Variants in USP8 observed in about 807,000 individuals in gnomAD.
The protein encoded by USP8 is ubiquitin specific peptidase 8.
USP8 carries 27 observed loss-of-function variants against 130.0 expected under a neutral mutation model. The observed-to-expected ratio is 0.21, with a 90% CI of 0.15 to 0.29. USP8 has a LOEUF of 0.29. Among genes scored for constraint, USP8 ranks in the 10% least tolerant of loss-of-function variants. The pLI is 1.00. For synonymous variants in USP8, 392 were observed against 444.1 expected, an observed-to-expected ratio of 0.88 and a Z score of 1.48; for missense variants, 1,029 against 1,312.2, an observed-to-expected ratio of 0.78 and a Z score of 3.33.
At chr15:50,441,301 T>C in intron 2 of USP8, 48 bp from the exon 3 acceptor site, 1 of 1,521,248 alleles carries the variant, frequency 6.6e-7, no homozygotes, top group Non-Finnish European at 8.8e-7. Flanking sequence ...CCTGTATTTT[T>C]TCCCAGATGT....
intron 16 of USP8, among the ~76,000 whole-genome samples, chr15:50,495,594 A>G (rs2052366492): frequency 6.6e-6 from 1 of 151,936 alleles, no homozygotes; most frequent in Admixed American, 6.6e-5. Flanking sequence ...GAACCACCAC[A>G]TCTGGCCCTT....
At chr15:50,483,976 T>G (rs2051862985) in intron 11 of USP8, among the ~76,000 whole-genome samples, 2 of 152,250 alleles carry the variant, frequency 1.3e-5, no homozygotes, top group African/African-American at 4.8e-5. Context: ...AATGTTCAAA[T>G]TAGGTCATGG....
chr15:50,514,050 G>A lies in USP8; in HGVS notation c.*14962G>A, dbSNP rs1480886508. 4.6e-5 allele frequency: 7 copies of A among 152,100 alleles called. No homozygotes were observed. The highest frequency in any genetic ancestry group is 1.7e-4 in the African/African-American group (7 of 41,424). The allele number at this position is 152,100 out of a possible 1,614,324, so 9.4% of individuals were successfully genotyped here. A position where few individuals can be genotyped will look rare whatever the true frequency, so the allele number is the denominator to read the frequency against. The stretch of plus-strand genomic sequence containing the variant: ...TGGTAGAATGAATTACTAAATTGTA[G>A]TATTTTCATACAATGGAATACTATA... On this transcript the variant is annotated 3_prime_UTR_variant, in exon 20 of 20. Coordinates refer to ENST00000307179, the MANE Select transcript of USP8 (RefSeq NM_005154.5).
At chr15:50,441,987 TTTTTTTG>T (rs2050276715) in intron 3 of USP8, among the ~76,000 whole-genome samples, 1 of 147,270 alleles carries the variant, frequency 6.8e-6, no homozygotes, top group African/African-American at 2.5e-5. Flanking sequence ...TTTTTTTTTT[TTTTTTTG>T]AGACGGAGTT....
rs541680383 is a variant in USP8, at chr15:50,491,638, C to T, written c.2235-1063C>T. 6.6e-5 allele frequency among the ~76,000 whole-genome samples: 10 copies of T among 152,052 alleles called. 1 individual carries two copies. In the Middle Eastern group the frequency reaches 0.014, roughly 207 times the overall value. On this transcript the variant is annotated intron_variant, in intron 14 of 19. Coordinates refer to ENST00000307179, the MANE Select transcript of USP8 (RefSeq NM_005154.5). ...AGTATTACTTTTAGGGGTGGAAGAA[C>T]GTTAAGGATTAATTAAAAAAGAAAA...
intron 7 of USP8, chr15:50,466,870 A>C (rs575574293): frequency 3.6e-5 from 14 of 393,762 alleles, no homozygotes; most frequent in African/African-American, 2.9e-4. Flanking sequence ...AGAGGAGCAA[A>C]GAAAAAGAAT....
chr15:50,473,988 A>G (rs2051476228), intron 8 of USP8, among the ~76,000 whole-genome samples: 1 of 151,378 alleles, frequency 6.6e-6, no homozygotes, highest in African/African-American at 2.4e-5. Flanking sequence ...GGCGCCCACC[A>G]TCATGCACAG....
At chr15:50,495,707 C>T in intron 16 of USP8, 141 bp from the exon 17 acceptor site, 4 of 607,490 alleles carry the variant, frequency 6.6e-6, no homozygotes, top group East Asian at 3.0e-5. Flanking sequence ...TATTTTTTGC[C>T]ACACTCAGTG....
intron 5 of USP8, among the ~76,000 whole-genome samples, chr15:50,460,343 G>GT (rs2050949708): frequency 8.6e-6 from 1 of 116,878 alleles, no homozygotes. Context: ...GTTTTACTCT[G>GT]TCGCTCAGGC....
At chr15:50,454,824 A>C (rs2050741092) in intron 4 of USP8, among the ~76,000 whole-genome samples, 1 of 152,080 alleles carries the variant, frequency 6.6e-6, no homozygotes, top group African/African-American at 2.4e-5. Flanking sequence ...TCTGTTGCCC[A>C]GGCCGAAGTG....
intron 1 of USP8, among the ~76,000 whole-genome samples, chr15:50,428,492 C>T (rs1372110782): frequency 1.3e-5 from 2 of 152,130 alleles, no homozygotes; most frequent in Non-Finnish European, 2.9e-5. Flanking sequence ...CCAATGAATG[C>T]CTGAAACCAC....
chr15:50,458,448 C>T (rs574661887), intron 4 of USP8: 2 of 154,172 alleles, frequency 1.3e-5, no homozygotes, highest in South Asian at 2.0e-4. Flanking sequence ...CCGCACCCAG[C>T]CACCTATAAT....
At chr15:50,495,066 G>A (rs1264251571) in intron 16 of USP8, among the ~76,000 whole-genome samples, 4 of 150,210 alleles carry the variant, frequency 2.7e-5, no homozygotes, top group African/African-American at 9.8e-5. Flanking sequence ...TGACTCATGT[G>A]ACTAGTTATT....
At chr15:50,493,520 A>G in intron 15 of USP8, 1 of 517,488 alleles carries the variant, frequency 1.9e-6, no homozygotes, top group Non-Finnish European at 3.9e-6. Flanking sequence ...TGGGAGGCTG[A>G]CGTGGGCAGA....
intron 1 of USP8, among the ~76,000 whole-genome samples, chr15:50,434,104 T>TTTTTGTTTTG (rs139482198): frequency 0.29 from 43,004 of 148,702 alleles, 6,679 homozygotes; most frequent in East Asian, 0.39. Context: ...AGCATAAGGT[T>TTTTTGTTTTG]TTTTGTTTTG....
rs2052645231 is a variant in USP8 at position 50,505,417 on chromosome 15, T to A, written c.*6329T>A. The A allele has an allele frequency of 6.6e-6, 1 of 152,176 alleles. No homozygotes were observed. Among genetic ancestry groups the A allele is most frequent in the African/African-American group, 2.4e-5 (1 of 41,444 alleles). The allele number at this position is 152,176 out of a possible 1,614,324, so 9.4% of individuals were successfully genotyped here. ...AATAACTGTCAATCTGGAATTTGAT[T>A]TCTAGTTATCATCCAAGAATGAAAG... On this transcript the variant is annotated 3_prime_UTR_variant, in exon 20 of 20. Transcript: ENST00000307179.
rs1349659067 is a variant in USP8 at position 50,481,563 on chromosome 15, C to T, written c.1301C>T (p.Ser434Phe). Residue 434 changes from serine (S) to phenylalanine (F), a missense_variant, in exon 11 of 20, where the codon TCT becomes TTT. By Grantham distance (155) the Ser-to-Phe change is radical (BLOSUM62 -2). Coordinates refer to ENST00000307179, the MANE Select transcript of USP8 (RefSeq NM_005154.5). The stretch of plus-strand genomic sequence containing the variant: ...GAAAGTACAAACCATGAGCAACAAT[C>T]TCCTCAGAGTGGAAAAGTTATTCCT... ...KSESTNHEQQ[S>F]PQSGKVIPDR... The T allele has an allele frequency of 1.2e-6, 2 of 1,613,376 alleles. No individual in the cohort carries two copies. The highest frequency in any genetic ancestry group is 1.7e-6 in the Non-Finnish European group (2 of 1,179,838).
chr15:50,461,017 A>G (rs1449077291), intron 5 of USP8, among the ~76,000 whole-genome samples: 2 of 150,730 alleles, frequency 1.3e-5, no homozygotes, highest in East Asian at 3.9e-4. Context: ...TTTGAGATGC[A>G]GTTTCGCTTT....
chr15:50,488,638 C>T (rs1344394560), intron 12 of USP8, among the ~76,000 whole-genome samples: 1 of 143,886 alleles, frequency 6.9e-6, no homozygotes, highest in Non-Finnish European at 1.5e-5. Flanking sequence ...AAACTCAGCT[C>T]ACTGCAACCT....
Sources: allele counts gnomAD v4.1 joint callset (sites outside exome capture counted in the v4.1 genomes callset), GRCh38; gene constraint gnomAD v4.1.1; transcripts MANE v1.5; gene names NCBI Gene and HGNC (gene_info 2026-07-23, HGNC 2026-07-21).